SYNPO2: variants seen among roughly 807,000 people sequenced by gnomAD.
SYNPO2 encodes the protein synaptopodin-2.
In SYNPO2, 56 loss-of-function variants were observed where a neutral mutation model predicts 85.0. That is an observed-to-expected ratio of 0.66 (90% CI 0.53 to 0.82). The LOEUF (loss-of-function observed/expected upper bound fraction) is 0.82. SYNPO2 is among the 40% of genes least tolerant of loss of function. The probability of loss-of-function intolerance (pLI) is 0.00; values close to 1 mark genes in which losing one functional copy is unlikely to be tolerated. For synonymous variants in SYNPO2, 602 were observed against 591.1 expected (o/e 1.02, Z -0.27); for missense variants, 1,575 against 1,534.2 (o/e 1.03, Z -0.44).
chr4:118,905,824 A>C lies in SYNPO2; in HGVS notation c.105+16683A>C, dbSNP rs1236195566. Among the ~76,000 whole-genome samples the C allele has an allele frequency of 2.6e-5, 4 of 152,182 alleles. No individual in the cohort carries two copies. In the East Asian group the frequency reaches 7.7e-4, roughly 29 times the overall value. On this transcript the variant is annotated intron_variant, in intron 1 of 4. Transcript: ENST00000307142. ...CACATGGGCTCAGTGTCCTGGAGCC[A>C]CGGTGGCAAGGGAGACTGCAGTCAT...
In SYNPO2 at chr4:118,888,994, C is replaced by G; in HGVS notation, c.-43C>G. On this transcript the variant is annotated 5_prime_UTR_variant, in exon 1 of 5. Coordinates refer to ENST00000307142, the MANE Select transcript of SYNPO2 (RefSeq NM_133477.3). The stretch of plus-strand genomic sequence containing the variant: ...ATCCTCTACCGCACCCAAGCTTCGT[C>G]TGTCTCGTCAAGCTCTTCATGCTGC... The G allele has an allele frequency of 6.2e-7, 1 of 1,601,414 alleles. No individual in the cohort carries two copies. The highest frequency in any genetic ancestry group is 8.6e-7 in the Non-Finnish European group (1 of 1,169,476).
chr4:119,050,384 A>G (rs1341686555), intron 4 of SYNPO2, among the ~76,000 whole-genome samples: 4 of 152,024 alleles, frequency 2.6e-5, no homozygotes, highest in African/African-American at 7.2e-5. Context: ...AGTATAGTCC[A>G]ATTAGATTTA....
At chr4:118,994,099 G>A (rs904914395) in intron 1 of SYNPO2, among the ~76,000 whole-genome samples, 1 of 152,238 alleles carries the variant, frequency 6.6e-6, no homozygotes, top group Non-Finnish European at 1.5e-5. Context: ...CTGACAAGTA[G>A]TTTTGTTCCT....
Position 119,030,404 on chromosome 4 carries a change from G to A in SYNPO2, c.1629G>A (p.Ser543=). 2 of 1,614,126 alleles carry A rather than the reference G, an allele frequency of 1.2e-6. No homozygotes were observed. Among genetic ancestry groups the A allele is most frequent in the Non-Finnish European group, 1.7e-6 (2 of 1,180,020 alleles). ...CTTACCAAAGAAAGGAGGAAGAGTC[G>A]GTAAGAACGCAGAGCTCTGTGAGCA... The part of the protein sequence containing the change: ...TTSYQRKEEE[S]VRTQSSVSKS... The change falls in exon 4 of 5, where the codon TCG becomes TCA. Residue 543 remains serine (S), a synonymous_variant. Coordinates refer to ENST00000307142, the MANE Select transcript of SYNPO2 (RefSeq NM_133477.3).
intron 4 of SYNPO2, chr4:119,035,066 T>G (rs1249570763): frequency 1.0e-6 from 1 of 985,320 alleles, no homozygotes; most frequent in Admixed American, 6.1e-5. Context: ...CATTTACGAG[T>G]TCCTATGTTA....
chr4:119,027,442 AG>A lies in SYNPO2; in HGVS notation c.1069+5del, dbSNP rs746124275. The A allele has an allele frequency of 6.3e-7, 1 of 1,576,740 alleles. No homozygotes were observed. On this transcript the variant is annotated splice_donor_5th_base_variant and intron_variant, in intron 3 of 4. Coordinates refer to ENST00000307142, the MANE Select transcript of SYNPO2 (RefSeq NM_133477.3). Reference sequence around the variant, plus strand: ...AAGCACCGAGCGCGGCATGCACGTAAGTTCTGCCTGGGCTTTCAGAAGGGGC... The same window carrying A: ...AAGCACCGAGCGCGGCATGCACGTAATTCTGCCTGGGCTTTCAGAAGGGGC...
At chr4:118,880,056 A>C (rs1487307475) in intron 1 of SYNPO2, among the ~76,000 whole-genome samples, 1 of 152,124 alleles carries the variant, frequency 6.6e-6, no homozygotes, top group Non-Finnish European at 1.5e-5. Context: ...CATTTCGTGA[A>C]GGTTAGGCTT....
chr4:118,889,259 G>T, intron 1 of SYNPO2, 118 bp downstream of exon 1: 46 of 908,246 alleles, frequency 5.1e-5, no homozygotes, highest in Admixed American at 6.4e-5. Context: ...TTTTGCTGCG[G>T]ATATTAAGAT....
chr4:118,985,732 G>A (rs886101232), intron 1 of SYNPO2, among the ~76,000 whole-genome samples: 1 of 152,214 alleles, frequency 6.6e-6, no homozygotes, highest in African/African-American at 2.4e-5. Context: ...GCTGGGCTGG[G>A]CCCTGCACAG....
chr4:118,997,524 G>T (rs1442402406), intron 1 of SYNPO2, among the ~76,000 whole-genome samples: 8 of 152,158 alleles, frequency 5.3e-5, no homozygotes, highest in Non-Finnish European at 1.2e-4. Context: ...CTGAATACCT[G>T]CATCTTCTGG....
In SYNPO2 at chr4:119,026,767, T is replaced by C. The variant is rs200290549; in HGVS notation, c.398T>C (p.Leu133Pro). 9.2e-5 allele frequency: 149 copies of C among 1,614,020 alleles called. No individual in the cohort carries two copies. The East Asian group carries it at 1.7e-3, about 18-fold the overall frequency. ...ATKTQCTEFF[L>P]APVKTEVPLA... is the part of the protein sequence containing the mutation. ...AAGACCCAGTGCACAGAATTCTTCC[T>C]CGCCCCTGTCAAGACTGAAGTTCCC... Residue 133 changes from leucine (L) to proline (P), a missense_variant, in exon 3 of 5, where the codon CTC (leucine) becomes CCC (proline). Leu to Pro is a moderately conservative substitution (Grantham distance 98, BLOSUM62 -3). Around this residue, in one of 3 missense-constraint regions of SYNPO2, gnomAD observed 1,508 missense variants for 1,446.8 expected, o/e 1.04. Transcript: ENST00000307142.
At chr4:118,937,829 C>T (rs1299322036) in intron 1 of SYNPO2, among the ~76,000 whole-genome samples, 2 of 152,046 alleles carry the variant, frequency 1.3e-5, no homozygotes, top group Non-Finnish European at 2.9e-5. Context: ...AGATTGGTTC[C>T]AGGACCCTGC....
In SYNPO2 at chr4:119,030,391, A is replaced by G. The variant is rs1205781371; in HGVS notation, c.1616A>G (p.Lys539Arg). 3 of 1,614,208 alleles carry G rather than the reference A, an allele frequency of 1.9e-6. No homozygotes were observed. The East Asian group carries it at 6.7e-5, about 36-fold the overall frequency. The change falls in exon 4 of 5, where the codon AAG becomes AGG. Residue 539 changes from lysine to arginine, a missense_variant. Lys to Arg is a conservative substitution (Grantham distance 26). Transcript: ENST00000307142. Reference sequence around the variant, plus strand: ...AGAACCACGACTTCTTACCAAAGAAAGGAGGAAGAGTCGGTAAGAACGCAG... The same window carrying G: ...AGAACCACGACTTCTTACCAAAGAAGGGAGGAAGAGTCGGTAAGAACGCAG... ...GLRTTTSYQR[K>R]EEESVRTQSS...
intron 1 of SYNPO2, among the ~76,000 whole-genome samples, chr4:119,017,634 A>G (rs1408934563): frequency 4.6e-5 from 7 of 152,122 alleles, no homozygotes; most frequent in Admixed American, 2.6e-4. Flanking sequence ...GGTCCCTGAG[A>G]CTTCATCATA....
intron 4 of SYNPO2, chr4:119,035,654 A>G (rs1224306413): frequency 1.0e-6 from 1 of 985,280 alleles, no homozygotes; most frequent in Non-Finnish European, 1.2e-6. Context: ...TTTTAGCCAT[A>G]GGAAAACCAA....
At chr4:119,028,354 TCTAAC>T (rs1302286871) in intron 3 of SYNPO2, among the ~76,000 whole-genome samples, 2 of 152,168 alleles carry the variant, frequency 1.3e-5, no homozygotes, top group Non-Finnish European at 2.9e-5. Context: ...TATTAAGTCT[TCTAAC>T]CTATTGTTAT....
chr4:118,984,745 G>A lies in SYNPO2; in HGVS notation c.106-38685G>A, dbSNP rs543466734. On this transcript the variant is annotated intron_variant, in intron 1 of 4. Coordinates refer to ENST00000307142, the MANE Select transcript of SYNPO2 (RefSeq NM_133477.3). ...GTTTCCTGGCCTAAGCACTTGATGAGTCTATCAAAGTCAGCCTGGTTTTGT... is the reference window on the plus strand; with the variant it reads ...GTTTCCTGGCCTAAGCACTTGATGAATCTATCAAAGTCAGCCTGGTTTTGT... 2.6e-5 allele frequency among the ~76,000 whole-genome samples: 4 copies of A among 152,252 alleles called. No homozygotes were observed. The East Asian group carries it at 7.7e-4, about 29-fold the overall frequency.
At chr4:118,867,704 A>C (rs1403296689) in intron 1 of SYNPO2, among the ~76,000 whole-genome samples, 1 of 151,528 alleles carries the variant, frequency 6.6e-6, no homozygotes, top group African/African-American at 2.4e-5. Context: ...TCTTCTGAAA[A>C]AATTATATGC....
intron 4 of SYNPO2, chr4:119,036,114 A>G: frequency 1.0e-6 from 1 of 985,410 alleles, no homozygotes; most frequent in South Asian, 4.7e-5. Flanking sequence ...CTAAGGGTGA[A>G]TTATTGAAAT....
Sources: gnomAD v4.1 joint callset for allele counts (sites outside exome capture counted in the v4.1 genomes callset) on GRCh38, gnomAD v4.1.1 for gene constraint, gnomAD v4.1.1 regional missense constraint, MANE v1.5 for transcripts, NCBI Gene and HGNC (gene_info 2026-07-23, HGNC 2026-07-21) for gene names.